The following DLAT variants were observed in gnomAD, a reference collection of about 807,000 sequenced individuals.
DLAT encodes dihydrolipoamide S-acetyltransferase, also known as dihydrolipoyllysine-residue acetyltransferase component of pyruvate dehydrogenase complex, mitochondrial.
Under a neutral mutation model 68.0 loss-of-function variants are expected in DLAT, and 43 were observed. The observed-to-expected ratio is 0.63, with a 90% CI of 0.50 to 0.81. DLAT has a LOEUF of 0.81. Among genes scored for constraint, DLAT ranks in the 40% least tolerant of loss-of-function variants. The pLI is 0.00. For missense variants in DLAT, 745 were observed against 815.4 expected (o/e 0.91, Z 1.05); for synonymous variants, 265 against 288.6 (o/e 0.92, Z 0.83).
At chr11:112,046,206 A>C (rs1416858211) in intron 10 of DLAT, among the ~76,000 whole-genome samples, 3 of 152,146 alleles carry the variant, frequency 2.0e-5, no homozygotes, top group African/African-American at 7.2e-5. Flanking sequence ...TAAGGTCATG[A>C]AGATTTATAC....
chr11:112,037,162 G>T, intron 5 of DLAT, 111 bp from the exon 6 acceptor site: 7 of 1,008,742 alleles, frequency 6.9e-6, no homozygotes, highest in Non-Finnish European at 7.6e-6. Context: ...TGCAAAAAAG[G>T]CTATATAGCT....
At chr11:112,045,834 A>G (rs1336616336) in intron 9 of DLAT, 29 bp from the exon 10 acceptor site, 3 of 1,445,316 alleles carry the variant, frequency 2.1e-6, no homozygotes, top group Admixed American at 1.7e-5. Context: ...ACTCAAGATA[A>G]TTGATTTTTT....
intron 11 of DLAT, among the ~76,000 whole-genome samples, chr11:112,057,663 G>A (rs1016795646): frequency 4.6e-5 from 7 of 152,314 alleles, no homozygotes; most frequent in Middle Eastern, 3.4e-3. Flanking sequence ...AGGAAGCCGC[G>A]TAACAGAAGT....
chr11:112,028,935 C>T lies in DLAT; in HGVS notation c.650C>T (p.Pro217Leu). ...SAQAPGSSYP[P>L]HMQVLLPALS... ...CAGGCTCCTGGTAGCTCATATCCCCCTCACATGCAGGTGAGGCTCAGCCTC... is the reference window on the plus strand; with the variant it reads ...CAGGCTCCTGGTAGCTCATATCCCCTTCACATGCAGGTGAGGCTCAGCCTC... The change falls in exon 4 of 14, where the codon CCT becomes CTT. Residue 217 changes from proline (P) to leucine (L), a missense_variant. By Grantham distance (98) the Pro-to-Leu change is moderately conservative. Coordinates refer to ENST00000280346, the MANE Select transcript of DLAT (RefSeq NM_001931.5). 1.9e-6 allele frequency: 3 copies of T among 1,614,176 alleles called. No individual in the cohort carries two copies. The highest frequency in any genetic ancestry group is 2.5e-6 in the Non-Finnish European group (3 of 1,180,048).
rs587755007 is a variant in DLAT at position 112,027,035 on chromosome 11, G to A, written c.381+736G>A. On this transcript the variant is annotated intron_variant, in intron 2 of 13. Coordinates refer to ENST00000280346, the MANE Select transcript of DLAT (RefSeq NM_001931.5). Reference sequence around the variant, plus strand: ...TCCCAGACGGGGCGGCTGGCCTGGCGGGGGCTGACCCCCACCTCCCTCCCG... The same window carrying A: ...TCCCAGACGGGGCGGCTGGCCTGGCAGGGGCTGACCCCCACCTCCCTCCCG... Among the ~76,000 whole-genome samples the A allele has an allele frequency of 3.8e-4, 57 of 150,898 alleles. No homozygotes were observed. In the East Asian group the frequency reaches 8.5e-3, roughly 22 times the overall value.
At position 112,025,589 on chromosome 11, in the gene DLAT, C is replaced by T. The variant is rs1489118768; in HGVS notation, c.117C>T (p.Gly39=). Residue 39 remains glycine (G), a synonymous_variant, in exon 1 of 14, where the codon GGC becomes GGT. Coordinates refer to ENST00000280346, the MANE Select transcript of DLAT (RefSeq NM_001931.5). The part of the protein sequence containing the change: ...PGTPRVTSRS[G]PAPARRNSVT... ...CTCCACGAGTGACCTCGCGATCTGG[C>T]CCGGCTCCCGCTCGTCGCAACAGCG... 1 of 1,613,944 alleles carries T rather than the reference C, an allele frequency of 6.2e-7. No individual in the cohort carries two copies. The highest frequency in any genetic ancestry group is 2.2e-5 in the East Asian group (1 of 44,864).
At chr11:112,036,202 T>TGTGTG (rs61074225) in intron 5 of DLAT, among the ~76,000 whole-genome samples, 17 of 21,196 alleles carry the variant, frequency 8.0e-4, no homozygotes, top group African/African-American at 2.6e-3. Flanking sequence ...TGTGTGTGTG[T>TGTGTG]TTTTTTTTTT....
chr11:112,047,105 A>C lies in DLAT; in HGVS notation c.1398+1135A>C, dbSNP rs146900145. 2.6e-5 allele frequency among the ~76,000 whole-genome samples: 4 copies of C among 152,280 alleles called. No individual in the cohort carries two copies. In the East Asian group the frequency reaches 7.7e-4, roughly 29 times the overall value. On this transcript the variant is annotated intron_variant, in intron 10 of 13. Transcript: ENST00000280346. ...CTACCAACAGTGTAAAAGCGTTCCT[A>C]TTTCTCCACATTCCAGCATCTGTTG...
intron 10 of DLAT, among the ~76,000 whole-genome samples, chr11:112,048,560 G>A (rs1290077625): frequency 1.3e-5 from 2 of 152,136 alleles, no homozygotes; most frequent in African/African-American, 2.4e-5. Context: ...TTGAGACTGA[G>A]TCTCACTCTG....
intron 12 of DLAT, among the ~76,000 whole-genome samples, chr11:112,060,476 C>T (rs1309425706): frequency 6.6e-6 from 1 of 151,232 alleles, no homozygotes; most frequent in South Asian, 2.1e-4. Context: ...TTTTTTGAAA[C>T]AGAGTCTCAC....
intron 11 of DLAT, among the ~76,000 whole-genome samples, chr11:112,052,233 T>C (rs1555182063): frequency 6.7e-6 from 1 of 149,136 alleles, no homozygotes; most frequent in South Asian, 2.1e-4. Context: ...GTGGGGAGGG[T>C]TTCCCCACAC....
intron 10 of DLAT, among the ~76,000 whole-genome samples, chr11:112,048,842 G>A (rs587679029): frequency 1.3e-4 from 20 of 152,034 alleles, no homozygotes; most frequent in African/African-American, 4.8e-4. Context: ...CCTATTTCCA[G>A]GTTCTTAATT....
intron 13 of DLAT, among the ~76,000 whole-genome samples, chr11:112,062,049 C>CT (rs1254916438): frequency 2.6e-5 from 4 of 151,944 alleles, no homozygotes; most frequent in Admixed American, 1.3e-4. Context: ...AGTCAGCATG[C>CT]TTTTTTTTAG....
At position 112,062,677 on chromosome 11, in the gene DLAT, G is replaced by A; in HGVS notation, c.*142G>A. 1.0e-6 allele frequency: 1 copy of A among 975,310 alleles called. No individual in the cohort carries two copies. The highest frequency in any genetic ancestry group is 1.5e-6 in the Non-Finnish European group (1 of 659,804). 60.4% of individuals were successfully genotyped at this position (975,310 alleles called of 1,614,324 possible). A position where few individuals can be genotyped will look rare whatever the true frequency, so the allele number is the denominator to read the frequency against. On this transcript the variant is annotated 3_prime_UTR_variant, in exon 14 of 14. Transcript: ENST00000280346. Reference sequence around the variant, plus strand: ...TCTGTCCAGATAAGTTATTTATAATGGGCATTACTGAATTTTTAAAATGCC... The same window carrying A: ...TCTGTCCAGATAAGTTATTTATAATAGGCATTACTGAATTTTTAAAATGCC...
chr11:112,043,412 C>A, intron 7 of DLAT, 54 bp from the exon 8 acceptor site: 1 of 1,530,644 alleles, frequency 6.5e-7, no homozygotes, highest in South Asian at 1.1e-5. Context: ...GCGTTGATCT[C>A]CTTGGGGAAC....
intron 11 of DLAT, among the ~76,000 whole-genome samples, chr11:112,056,294 A>G (rs781834177): frequency 4.6e-5 from 7 of 152,224 alleles, no homozygotes; most frequent in South Asian, 4.1e-4. Context: ...ATCTAATTTT[A>G]GAAATTTTCA....
At chr11:112,030,033 G>A (rs782337398) in intron 4 of DLAT, 77 of 998,474 alleles carry the variant, frequency 7.7e-5, no homozygotes, top group Non-Finnish European at 1.1e-4. Flanking sequence ...GCTGTTTGCC[G>A]TGGAAAGCAG....
Position 112,064,138 on chromosome 11 carries a change from A to G in DLAT, c.*1603A>G. The G allele has an allele frequency of 6.6e-7, 1 of 1,518,674 alleles. No homozygotes were observed. The highest frequency in any genetic ancestry group is 2.2e-5 in the Admixed American group (1 of 45,124). The allele number at this position is 1,518,674 out of a possible 1,614,324, so 94.1% of individuals were successfully genotyped here. A position where few individuals can be genotyped will look rare whatever the true frequency, so the allele number is the denominator to read the frequency against. ...AACAAGCTTATCACAAGGGACCATC[A>G]TCAATATGATCCAAATCTGGTTCAA... is the stretch of plus-strand genomic sequence containing the variant. On this transcript the variant is annotated 3_prime_UTR_variant, in exon 14 of 14. Transcript: ENST00000280346.
At chr11:112,040,093 C>G (rs782243297) in intron 7 of DLAT, among the ~76,000 whole-genome samples, 1 of 152,176 alleles carries the variant, frequency 6.6e-6, no homozygotes, top group African/African-American at 2.4e-5. Context: ...GTGCTTAGAA[C>G]TGTATCTAGC....
Sources: gnomAD v4.1 joint callset for allele counts (sites outside exome capture counted in the v4.1 genomes callset) on GRCh38, gnomAD v4.1.1 for gene constraint, MANE v1.5 for transcripts, NCBI Gene and HGNC (gene_info 2026-07-23, HGNC 2026-07-21) for gene names.